The following RARB variants were observed in gnomAD, a reference collection of about 807,000 sequenced individuals.
RARB encodes HBV-activated protein.
RARB carries 17 observed loss-of-function variants against 51.9 expected under a neutral mutation model. The observed-to-expected ratio is 0.33, with a 90% confidence interval of 0.22 to 0.49. The LOEUF (loss-of-function observed/expected upper bound fraction) is 0.49. Among genes scored for constraint, RARB ranks in the 20% least tolerant of loss-of-function variants. The pLI, the probability that RARB is intolerant of heterozygous loss-of-function variation, is 0.99. For synonymous variants in RARB, 215 were observed against 195.4 expected (o/e 1.10, Z -0.84); for missense variants, 369 against 550.8 (o/e 0.67, Z 3.30).
intron 5 of RARB, among the ~76,000 whole-genome samples, chr3:25,197,756 A>T (rs967021101): frequency 6.6e-6 from 1 of 151,948 alleles, no homozygotes; most frequent in African/African-American, 2.4e-5. Flanking sequence ...ACAATTAAAA[A>T]AATGGATGTA....
chr3:25,088,353 A>G (rs576494608), intron 3 of RARB, among the ~76,000 whole-genome samples: 1 of 152,164 alleles, frequency 6.6e-6, no homozygotes, highest in Non-Finnish European at 1.5e-5. Flanking sequence ...CAAGAGTTTT[A>G]TTCGGTCTCA....
At chr3:25,214,831 TC>T (rs1329184452) in intron 5 of RARB, among the ~76,000 whole-genome samples, 5 of 152,322 alleles carry the variant, frequency 3.3e-5, no homozygotes, top group Middle Eastern at 3.4e-3. Context: ...CTAAGCCTTT[TC>T]CCCAGTGTCA....
At chr3:25,511,795 G>A in intron 3 of RARB, among the ~76,000 whole-genome samples, 1 of 152,154 alleles carries the variant, frequency 6.6e-6, no homozygotes, top group African/African-American at 2.4e-5. Flanking sequence ...GCTGAACTCT[G>A]TGCACAACTT....
At chr3:25,158,167 T>C (rs993764541) in intron 4 of RARB, among the ~76,000 whole-genome samples, 3 of 152,240 alleles carry the variant, frequency 2.0e-5, no homozygotes, top group African/African-American at 7.2e-5. Context: ...AATACTGCTC[T>C]GTTTCCTTAC....
At chr3:25,574,806 C>A (rs113028689) in intron 4 of RARB, among the ~76,000 whole-genome samples, 1 of 152,012 alleles carries the variant, frequency 6.6e-6, no homozygotes. Context: ...GGACTCGGTG[C>A]GCTTTTTGGA....
intron 3 of RARB, among the ~76,000 whole-genome samples, chr3:25,501,952 G>A (rs1203520928): frequency 6.6e-6 from 1 of 152,230 alleles, no homozygotes; most frequent in Non-Finnish European, 1.5e-5. Context: ...ACCGGCTTTA[G>A]TATAAAAAGA....
At chr3:25,238,053 A>G (rs1426892284) in intron 5 of RARB, among the ~76,000 whole-genome samples, 2 of 152,168 alleles carry the variant, frequency 1.3e-5, no homozygotes, top group Admixed American at 1.3e-4. Context: ...AATATACAAC[A>G]CATTGCTGTT....
In RARB at chr3:25,368,226, T is replaced by G. The variant is rs182481242; in HGVS notation, c.179-92967T>G. On this transcript the variant is annotated intron_variant, in intron 5 of 11. Coordinates refer to the RARB transcript ENST00000383772. Reference sequence around the variant, plus strand: ...AAGTCATAGCAGAATCCAAATTTGTTTATTGGTTAGCTGTTTTAATTACTG... The same window carrying G: ...AAGTCATAGCAGAATCCAAATTTGTGTATTGGTTAGCTGTTTTAATTACTG... Among the ~76,000 whole-genome samples the G allele has an allele frequency of 2.2e-3, 329 of 152,230 alleles. 1 individual carries two copies. Among genetic ancestry groups the G allele is most frequent in the Non-Finnish European group, 3.7e-3 (251 of 68,008 alleles).
intron 3 of RARB, among the ~76,000 whole-genome samples, chr3:25,568,580 G>A (rs1167812772): frequency 1.3e-5 from 2 of 151,838 alleles, no homozygotes; most frequent in Admixed American, 6.6e-5. Flanking sequence ...GTCTTACTCT[G>A]CCCTCAGCTC....
intron 5 of RARB, among the ~76,000 whole-genome samples, chr3:25,584,299 G>T (rs565745361): frequency 6.6e-5 from 10 of 152,248 alleles, no homozygotes; most frequent in Admixed American, 3.3e-4. Flanking sequence ...TTCTCCTGGT[G>T]GGGGGACACA....
At chr3:25,303,177 A>G (rs1195293695) in intron 5 of RARB, among the ~76,000 whole-genome samples, 2 of 152,114 alleles carry the variant, frequency 1.3e-5, no homozygotes, top group Admixed American at 6.5e-5. Context: ...AGCCTATATT[A>G]TATTCTGAAG....
chr3:25,439,034 C>G (rs1003984826), intron 1 of RARB, among the ~76,000 whole-genome samples: 2 of 152,168 alleles, frequency 1.3e-5, no homozygotes, highest in African/African-American at 4.8e-5. Flanking sequence ...CAGGATTAGT[C>G]TGGTATTTAC....
chr3:25,176,393 A>G (rs1054842244), intron 5 of RARB, among the ~76,000 whole-genome samples: 25 of 85,250 alleles, frequency 2.9e-4, no homozygotes, highest in Non-Finnish European at 1.5e-4. Flanking sequence ...TTCCTTATTT[A>G]TTTATTTATT....
intron 5 of RARB, among the ~76,000 whole-genome samples, chr3:25,285,848 GCTTTCT>G (rs1331806486): frequency 6.6e-6 from 1 of 152,110 alleles, no homozygotes; most frequent in Admixed American, 6.6e-5. Context: ...ATGCTACTTG[GCTTTCT>G]CTTTCTCTGT....
chr3:24,932,613 C>T (rs1695464811), intron 2 of RARB, among the ~76,000 whole-genome samples: 1 of 151,998 alleles, frequency 6.6e-6, no homozygotes, highest in Non-Finnish European at 1.5e-5. Context: ...ATATGTTTAT[C>T]ATGGTTAAGT....
At chr3:25,140,658 T>C (rs1700094180) in intron 4 of RARB, among the ~76,000 whole-genome samples, 1 of 152,176 alleles carries the variant, frequency 6.6e-6, no homozygotes, top group South Asian at 2.1e-4. Context: ...ATAGCAGAGG[T>C]TGAAAGGATT....
chr3:25,375,821 C>A (rs181985597), intron 5 of RARB, among the ~76,000 whole-genome samples: 1 of 152,196 alleles, frequency 6.6e-6, no homozygotes, highest in Admixed American at 6.5e-5. Flanking sequence ...TCAGCCATAC[C>A]AATTTTGTTT....
chr3:24,896,071 G>T (rs536867264), intron 2 of RARB, among the ~76,000 whole-genome samples: 1 of 152,292 alleles, frequency 6.6e-6, no homozygotes, highest in East Asian at 1.9e-4. Flanking sequence ...ACGTGTATGA[G>T]CCTTGATGAC....
chr3:25,251,478 T>C (rs1702718820), intron 5 of RARB, among the ~76,000 whole-genome samples: 1 of 152,162 alleles, frequency 6.6e-6, no homozygotes, highest in South Asian at 2.1e-4. Flanking sequence ...TTTTACATTC[T>C]TGTTAGCAGT....
Sources: allele counts gnomAD v4.1 joint callset (sites outside exome capture counted in the v4.1 genomes callset), GRCh38; gene constraint gnomAD v4.1.1; transcripts MANE v1.5; gene names NCBI Gene and HGNC (gene_info 2026-07-23, HGNC 2026-07-21).